Variants in SUZ12 observed in about 807,000 individuals in gnomAD.
SUZ12 encodes polycomb protein SUZ12.
A neutral mutation model predicts 87.3 loss-of-function variants in SUZ12; 17 were observed. That is an observed-to-expected ratio of 0.19 (90% CI 0.13 to 0.29). The LOEUF is 0.29. Among genes scored for constraint, SUZ12 ranks in the 10% least tolerant of loss-of-function variants. SUZ12 has a pLI of 1.00. For missense variants in SUZ12, 526 were observed against 912.2 expected (o/e 0.58, Z 5.45); for synonymous variants, 253 against 312.4 (o/e 0.81, Z 2.01).
intron 15 of SUZ12, 120 bp downstream of exon 15, chr17:31,996,997 G>A: frequency 1.4e-6 from 1 of 699,838 alleles, no homozygotes; most frequent in Non-Finnish European, 2.0e-6. Flanking sequence ...ATGTATATTT[G>A]TCCCAAATTT....
rs545006739 is a variant in SUZ12, at chr17:31,974,330, C to A, written c.591+1099C>A. Among the ~76,000 whole-genome samples, 4 of 152,264 alleles carry A rather than the reference C, an allele frequency of 2.6e-5. No homozygotes were observed. The South Asian group carries it at 8.3e-4, about 32-fold the overall frequency. On this transcript the variant is annotated intron_variant, in intron 6 of 15. Coordinates refer to ENST00000322652, the MANE Select transcript of SUZ12 (RefSeq NM_015355.4). ...TGGGCAGATCACGAGGTCAGGAGAT[C>A]GAGTGGCTAACACGGTGAAATCTCG...
At chr17:31,966,281 AT>A in intron 5 of SUZ12, 85 bp downstream of exon 5, 1 of 1,118,120 alleles carries the variant, frequency 8.9e-7, no homozygotes, top group Non-Finnish European at 1.3e-6. Flanking sequence ...CTGAGTGTAA[AT>A]TTATAAAATT....
chr17:31,945,045 G>A (rs1425089635), intron 3 of SUZ12, among the ~76,000 whole-genome samples: 2 of 121,738 alleles, frequency 1.6e-5, no homozygotes, highest in East Asian at 2.4e-4. Flanking sequence ...CTGGGCAGTA[G>A]AGGGAGATGG....
chr17:31,958,961 T>C (rs1376105390), intron 4 of SUZ12, among the ~76,000 whole-genome samples: 1 of 152,308 alleles, frequency 6.6e-6, no homozygotes, highest in African/African-American at 2.4e-5. Flanking sequence ...GAGGTTGCAG[T>C]GAGCAGATAT....
intron 4 of SUZ12, among the ~76,000 whole-genome samples, chr17:31,961,605 A>G (rs1208438350): frequency 6.6e-6 from 1 of 152,236 alleles, no homozygotes; most frequent in African/African-American, 2.4e-5. Context: ...ATAATGTACC[A>G]TTTAAAACTG....
rs2142180538 is a variant in SUZ12 at position 31,976,608 on chromosome 17, A to G, written c.911A>G (p.Lys304Arg). The change falls in exon 8 of 16, where the codon AAA (lysine) becomes AGA (arginine). Residue 304 changes from lysine (K) to arginine (R), a missense_variant. Physicochemically the swap from Lys to Arg is conservative, Grantham distance 26. Around this residue, in one of 9 missense-constraint regions of SUZ12, gnomAD observed 73 missense variants for 133.8 expected, o/e 0.55. Coordinates refer to ENST00000322652, the MANE Select transcript of SUZ12 (RefSeq NM_015355.4). The part of the protein sequence containing the change: ...TFVAQMTVFD[K>R]NRRLQLLDGE... The stretch of plus-strand genomic sequence containing the variant: ...GTTGCACAAATGACAGTATTTGATA[A>G]AAACAGGTAATGTTGATGAACAAGT... 6.2e-7 allele frequency: 1 copy of G among 1,609,982 alleles called. No individual in the cohort carries two copies. Among genetic ancestry groups the G allele is most frequent in the Non-Finnish European group, 8.5e-7 (1 of 1,177,324 alleles).
chr17:31,953,904 G>A (rs2142139154), intron 4 of SUZ12, among the ~76,000 whole-genome samples: 1 of 151,638 alleles, frequency 6.6e-6, no homozygotes, highest in East Asian at 2.0e-4. Flanking sequence ...AGTAGAGAAG[G>A]GGTTTCACCA....
At chr17:31,984,626 C>G (rs576898623) in intron 9 of SUZ12, among the ~76,000 whole-genome samples, 1 of 152,106 alleles carries the variant, frequency 6.6e-6, no homozygotes, top group Non-Finnish European at 1.5e-5. Context: ...AATTATAAAA[C>G]AAGAAAAAGA....
intron 10 of SUZ12, 83 bp from the exon 11 acceptor site, chr17:31,993,159 A>G: frequency 3.7e-6 from 3 of 804,678 alleles, no homozygotes; most frequent in Non-Finnish European, 5.7e-6. Flanking sequence ...TGAAACCTTT[A>G]ATATTTAATA....
At chr17:31,969,236 C>G (rs577473124) in intron 5 of SUZ12, among the ~76,000 whole-genome samples, 24 of 152,268 alleles carry the variant, frequency 1.6e-4, no homozygotes, top group Admixed American at 1.3e-3. Context: ...CCTCTACCTC[C>G]CGGGTTCAAG....
intron 3 of SUZ12, among the ~76,000 whole-genome samples, chr17:31,941,656 TCTC>T (rs1490757780): frequency 6.6e-6 from 1 of 151,356 alleles, no homozygotes; most frequent in East Asian, 1.9e-4. Flanking sequence ...TTCAAGAGAT[TCTC>T]CTCCTTCAGC....
At chr17:31,940,965 G>C (rs1906239005) in intron 3 of SUZ12, among the ~76,000 whole-genome samples, 1 of 151,546 alleles carries the variant, frequency 6.6e-6, no homozygotes, top group Admixed American at 6.6e-5. Context: ...AGCCGAGATT[G>C]CGCCGTTGCA....
chr17:31,996,489 C>T (rs947002621), intron 14 of SUZ12, among the ~76,000 whole-genome samples: 8 of 152,036 alleles, frequency 5.3e-5, no homozygotes, highest in Admixed American at 5.2e-4. Context: ...CATGGTAGAG[C>T]GTGCTTGTGA....
At chr17:31,942,005 A>G (rs1906322448) in intron 3 of SUZ12, among the ~76,000 whole-genome samples, 1 of 151,908 alleles carries the variant, frequency 6.6e-6, no homozygotes, top group Non-Finnish European at 1.5e-5. Flanking sequence ...GGCTCCCGCC[A>G]CCACACCCAG....
intron 5 of SUZ12, among the ~76,000 whole-genome samples, chr17:31,967,994 T>TA (rs1407580540): frequency 1.3e-5 from 2 of 151,850 alleles, no homozygotes; most frequent in Admixed American, 6.6e-5. Context: ...CTGTAAGAAG[T>TA]AAAAAAAGAT....
chr17:31,965,220 T>C (rs1006359835), intron 4 of SUZ12, among the ~76,000 whole-genome samples: 1 of 152,164 alleles, frequency 6.6e-6, no homozygotes, highest in Non-Finnish European at 1.5e-5. Context: ...AAATGCCTTA[T>C]GTAAGGGATC....
intron 4 of SUZ12, chr17:31,965,785 G>A (rs1031348940): frequency 9.6e-5 from 16 of 167,406 alleles, no homozygotes; most frequent in Non-Finnish European, 2.1e-4. Flanking sequence ...CCTTTTTAAA[G>A]ATAGGAAGGC....
intron 5 of SUZ12, among the ~76,000 whole-genome samples, chr17:31,968,367 T>C (rs762174848): frequency 6.6e-6 from 1 of 152,078 alleles, no homozygotes; most frequent in Non-Finnish European, 1.5e-5. Context: ...TAGCTGGAAC[T>C]ACAGGCGTTC....
At chr17:31,979,751 T>C (rs1908987850) in intron 8 of SUZ12, among the ~76,000 whole-genome samples, 1 of 152,224 alleles carries the variant, frequency 6.6e-6, no homozygotes, top group Admixed American at 6.5e-5. Context: ...CTTTTTTCCC[T>C]TTTATATAAA....
Sources: allele counts gnomAD v4.1 joint callset (sites outside exome capture counted in the v4.1 genomes callset), GRCh38; gene constraint gnomAD v4.1.1; regional missense constraint gnomAD v4.1.1; transcripts MANE v1.5; gene names NCBI Gene and HGNC (gene_info 2026-07-23, HGNC 2026-07-21).